Variants in SARDH observed in about 807,000 individuals in gnomAD.
SARDH encodes sarcosine dehydrogenase, mitochondrial.
SARDH carries 95 observed loss-of-function variants against 109.1 expected under a neutral mutation model. That is an observed-to-expected ratio of 0.87 (90% confidence interval 0.74 to 1.03). SARDH has a LOEUF of 1.03. Among genes scored for constraint, SARDH ranks in the 50% least tolerant of loss-of-function variants. The probability of loss-of-function intolerance (pLI) is 0.00; values close to 1 mark genes in which losing one functional copy is unlikely to be tolerated. For synonymous variants in SARDH, 572 were observed against 534.8 expected (o/e 1.07, Z -0.96); for missense variants, 1,267 against 1,287.8 (o/e 0.98, Z 0.25).
intron 17 of SARDH, among the ~76,000 whole-genome samples, chr9:133,676,653 G>A (rs551401977): frequency 3.0e-4 from 46 of 152,318 alleles, no homozygotes; most frequent in Non-Finnish European, 5.1e-4. Context: ...GCCCTGGGCC[G>A]GACAGGAAGC....
Position 133,718,072 on chromosome 9 carries a change from ATTTG to A in SARDH, c.1021-621_1021-618del, listed in dbSNP as rs771099502. ...TCTTCCAGAATTTCATTCCTTGTTC[ATTTG>A]TTTGTTTGTTTGTTTGTAACAGTCT... is the stretch of plus-strand genomic sequence containing the variant. On this transcript the variant is annotated intron_variant, in intron 7 of 20. Transcript: ENST00000439388. The surrounding 1 kb of genome is among the most constrained non-coding windows in gnomAD (Gnocchi z 4.2). Among the ~76,000 whole-genome samples, 1 of 151,782 alleles carries A rather than the reference ATTTG, an allele frequency of 6.6e-6. No homozygotes were observed. The highest frequency in any genetic ancestry group is 1.5e-5 in the Non-Finnish European group (1 of 67,960).
intron 17 of SARDH, among the ~76,000 whole-genome samples, chr9:133,675,281 G>A (rs571561613): frequency 1.6e-3 from 242 of 152,146 alleles, no homozygotes; most frequent in African/African-American, 5.4e-3. Context: ...AATCAAGGAG[G>A]TGGAGGCTGC....
At chr9:133,687,905 A>G (rs1167995857) in intron 16 of SARDH, among the ~76,000 whole-genome samples, 1 of 152,180 alleles carries the variant, frequency 6.6e-6, no homozygotes, top group Non-Finnish European at 1.5e-5. Flanking sequence ...AAGTTAAGAA[A>G]TTACCAGGAG....
At chr9:133,705,691 C>T (rs1831669825) in intron 11 of SARDH, among the ~76,000 whole-genome samples, 1 of 152,148 alleles carries the variant, frequency 6.6e-6, no homozygotes, top group Admixed American at 6.5e-5. Flanking sequence ...CCCTGATCTG[C>T]CTTGGCCCTG....
intron 17 of SARDH, among the ~76,000 whole-genome samples, chr9:133,682,571 T>G (rs975208129): frequency 2.6e-5 from 4 of 152,244 alleles, no homozygotes; most frequent in African/African-American, 9.6e-5. Context: ...ATCCTTGTTC[T>G]GAGGGGGCAA....
At chr9:133,682,914 G>A (rs129955) in intron 17 of SARDH, among the ~76,000 whole-genome samples, 7 of 152,236 alleles carry the variant, frequency 4.6e-5, no homozygotes, top group African/African-American at 1.7e-4. Context: ...CGCAGTGATG[G>A]TTGGAAACCG....
chr9:133,696,298 T>C lies in SARDH; in HGVS notation c.1732A>G (p.Lys578Glu), dbSNP rs769572491. ...AAVFDMSYFG[K>E]FYLVGLDARK... is the part of the protein sequence containing the mutation. The stretch of plus-strand genomic sequence containing the variant: ...GCATCCAGCCCCACCAGGTAGAACT[T>C]CCCGAAGTAGGACATGTCAAACACA... The change falls in exon 14 of 21, where the codon AAG (lysine) becomes GAG (glutamate). Residue 578 changes from lysine to glutamate, a missense_variant. Lys to Glu is a moderately conservative substitution (Grantham distance 56, BLOSUM62 1). Coordinates refer to ENST00000439388, the MANE Select transcript of SARDH (RefSeq NM_001134707.2). The C allele has an allele frequency of 6.2e-7, 1 of 1,614,024 alleles. No individual in the cohort carries two copies. The highest frequency in any genetic ancestry group is 8.5e-7 in the Non-Finnish European group (1 of 1,180,000).
At chr9:133,725,104 T>TA (rs1340225933) in intron 6 of SARDH, among the ~76,000 whole-genome samples, 7 of 152,066 alleles carry the variant, frequency 4.6e-5, no homozygotes, top group Admixed American at 1.3e-4. Context: ...GACAAAACCG[T>TA]AAAAAGAAGC....
rs758069546 is a variant in SARDH at position 133,731,330 on chromosome 9, C to T, written c.665G>A (p.Arg222Lys). 1 of 1,614,052 alleles carries T rather than the reference C, an allele frequency of 6.2e-7. No homozygotes were observed. Among genetic ancestry groups the T allele is most frequent in the East Asian group, 2.2e-5 (1 of 44,892 alleles). ...DPAGTCTTLA[R>K]AASARGAQVI... ...CTGTGCTCCTCGGGCAGAAGCTGCC[C>T]TGGCGAGGGTGGTACAGGTGCCAGC... Residue 222 changes from arginine to lysine, a missense_variant, in exon 4 of 21, where the codon AGG becomes AAG. Coordinates refer to ENST00000439388, the MANE Select transcript of SARDH (RefSeq NM_001134707.2).
chr9:133,661,453 G>A (rs1832413687), downstream of SARDH, among the ~76,000 whole-genome samples: 1 of 151,718 alleles, frequency 6.6e-6, no homozygotes, highest in Admixed American at 6.6e-5. Context: ...GTGGTATAGC[G>A]CTCTGCCGGT....
chr9:133,708,169 C>T, intron 11 of SARDH, 118 bp downstream of exon 11: 1 of 1,234,018 alleles, frequency 8.1e-7, no homozygotes, highest in Non-Finnish European at 1.1e-6. Context: ...ATGACAGACA[C>T]CTTGTCACCG....
intron 6 of SARDH, among the ~76,000 whole-genome samples, chr9:133,719,730 C>T (rs186676630): frequency 1.2e-4 from 18 of 146,822 alleles, no homozygotes; most frequent in East Asian, 8.1e-4. Flanking sequence ...TCTCTAAAAG[C>T]GAAAGGCTTG....
chr9:133,668,089 T>C (rs942350493), intron 19 of SARDH, among the ~76,000 whole-genome samples: 1 of 151,896 alleles, frequency 6.6e-6, no homozygotes, highest in Non-Finnish European at 1.5e-5. Context: ...AGGTACTTCA[T>C]GGAGGGCCAG....
chr9:133,710,817 G>A (rs1831890917), intron 10 of SARDH, among the ~76,000 whole-genome samples: 1 of 152,264 alleles, frequency 6.6e-6, no homozygotes, highest in Non-Finnish European at 1.5e-5. Flanking sequence ...CACACTGAAG[G>A]GGTTTGGAAG....
In SARDH at chr9:133,731,489, G is replaced by C. The variant is rs369054021; in HGVS notation, c.511-5C>G. On this transcript the variant is annotated splice_region_variant and splice_polypyrimidine_tract_variant and intron_variant, in intron 3 of 20. Coordinates refer to ENST00000439388, the MANE Select transcript of SARDH (RefSeq NM_001134707.2). ...CACACCATACGCCTTGCCCAGCTAG[G>C]GGGACCCAGGGGAGGTTAACTGAGT... 33 of 1,613,640 alleles carry C rather than the reference G, an allele frequency of 2.0e-5. No individual in the cohort carries two copies. Among genetic ancestry groups the C allele is most frequent in the Non-Finnish European group, 2.7e-5 (32 of 1,179,790 alleles).
intron 19 of SARDH, among the ~76,000 whole-genome samples, chr9:133,667,973 C>T (rs1239779938): frequency 2.6e-5 from 4 of 152,118 alleles, no homozygotes; most frequent in Admixed American, 6.5e-5. Flanking sequence ...AGTCCAGAGC[C>T]GCGGCGCAGG....
intron 11 of SARDH, among the ~76,000 whole-genome samples, chr9:133,707,603 A>T (rs532824787): frequency 3.3e-5 from 5 of 152,264 alleles, no homozygotes; most frequent in South Asian, 2.1e-4. Context: ...CCGCCCATCC[A>T]TCTGTTCAAC....
chr9:133,661,406 AC>A (rs1490148127), downstream of SARDH, among the ~76,000 whole-genome samples: 2 of 151,690 alleles, frequency 1.3e-5, no homozygotes, highest in Non-Finnish European at 2.9e-5. Flanking sequence ...CATACCCCCA[AC>A]TTTTCACATG....
chr9:133,675,474 C>G (rs193120772), intron 17 of SARDH, among the ~76,000 whole-genome samples: 118 of 152,248 alleles, frequency 7.8e-4, no homozygotes, highest in African/African-American at 2.8e-3. Context: ...ACCCAAGTCA[C>G]AGTGAGTTAT....
Sources: allele counts gnomAD v4.1 joint callset (sites outside exome capture counted in the v4.1 genomes callset), GRCh38; gene constraint gnomAD v4.1.1; non-coding constraint Gnocchi (gnomAD v3.1); transcripts MANE v1.5; gene names NCBI Gene and HGNC (gene_info 2026-07-23, HGNC 2026-07-21).